GRID2: variants seen among roughly 807,000 people sequenced by gnomAD.
GRID2 encodes glutamate receptor ionotropic, delta-2.
In GRID2, 33 loss-of-function variants were observed where a neutral mutation model predicts 114.8. The observed-to-expected ratio is 0.29, with a 90% confidence interval of 0.22 to 0.38. The LOEUF (loss-of-function observed/expected upper bound fraction) is 0.38, where lower values mean the gene tolerates loss of function less well. Among genes scored for constraint, GRID2 ranks in the 10% least tolerant of loss-of-function variants. The pLI is 1.00. For synonymous variants in GRID2, 505 were observed against 449.9 expected (o/e 1.12, Z -1.55); for missense variants, 1,184 against 1,257.7 (o/e 0.94, Z 0.89).
intron 4 of GRID2, among the ~76,000 whole-genome samples, chr4:93,143,119 G>A (rs558110954): frequency 6.6e-6 from 1 of 152,294 alleles, no homozygotes; most frequent in East Asian, 1.9e-4. Context: ...GCCTTTTGCT[G>A]TAGAAGTTTA....
chr4:92,821,714 T>G (rs765059049), intron 2 of GRID2, among the ~76,000 whole-genome samples: 1 of 152,162 alleles, frequency 6.6e-6, no homozygotes, highest in Non-Finnish European at 1.5e-5. Flanking sequence ...ATAAAAGCTA[T>G]TTTAAGTAAT....
intron 2 of GRID2, among the ~76,000 whole-genome samples, chr4:92,862,649 A>G (rs1300501941): frequency 1.3e-5 from 2 of 152,114 alleles, no homozygotes; most frequent in Non-Finnish European, 1.5e-5. Flanking sequence ...ACTTTGTCAA[A>G]TGGAAAGTAA....
intron 8 of GRID2, among the ~76,000 whole-genome samples, chr4:93,242,274 C>G (rs1029790920): frequency 1.5e-4 from 23 of 151,848 alleles, no homozygotes; most frequent in Non-Finnish European, 2.8e-4. Flanking sequence ...GCTGCTGTGG[C>G]AAACAAGAGA....
intron 1 of GRID2, among the ~76,000 whole-genome samples, chr4:92,321,676 T>C (rs1406895475): frequency 6.6e-6 from 1 of 152,156 alleles, no homozygotes; most frequent in African/African-American, 2.4e-5. Context: ...CCAGGCAGTC[T>C]AATGAATATC....
chr4:92,701,000 A>AC (rs55764619), intron 2 of GRID2, among the ~76,000 whole-genome samples: 9,714 of 151,576 alleles, frequency 0.064, 418 homozygotes, highest in East Asian at 0.087. Flanking sequence ...TCTCAAAAAA[A>AC]AAAAAAAAAA....
At chr4:93,044,788 G>A (rs531175733) in intron 2 of GRID2, among the ~76,000 whole-genome samples, 1 of 152,254 alleles carries the variant, frequency 6.6e-6, no homozygotes, top group African/African-American at 2.4e-5. Flanking sequence ...GCAACCTTGT[G>A]TATGCTTCAG....
chr4:92,582,904 G>A (rs891775840), intron 1 of GRID2, among the ~76,000 whole-genome samples: 133 of 152,024 alleles, frequency 8.7e-4, no homozygotes, highest in Middle Eastern at 6.8e-3. Flanking sequence ...GGAGGATCAG[G>A]TGAGTCGGGG....
intron 3 of GRID2, among the ~76,000 whole-genome samples, chr4:93,088,120 GA>G (rs1730482411): frequency 6.6e-6 from 1 of 152,158 alleles, no homozygotes; most frequent in South Asian, 2.1e-4. Flanking sequence ...GTTAATTAGA[GA>G]AACCTCCTTT....
intron 3 of GRID2, among the ~76,000 whole-genome samples, chr4:93,105,927 T>C (rs1402042109): frequency 6.6e-6 from 1 of 152,192 alleles, no homozygotes; most frequent in Non-Finnish European, 1.5e-5. Flanking sequence ...TGTAATCTAG[T>C]ATATTCACAG....
chr4:93,512,057 G>A (rs961345070), intron 12 of GRID2, among the ~76,000 whole-genome samples: 1 of 151,982 alleles, frequency 6.6e-6, no homozygotes, highest in Non-Finnish European at 1.5e-5. Context: ...AAAGTGCTGG[G>A]ATTACAGGCA....
chr4:93,683,923 G>A (rs1725839461), intron 14 of GRID2, among the ~76,000 whole-genome samples: 1 of 151,966 alleles, frequency 6.6e-6, no homozygotes, highest in African/African-American at 2.4e-5. Flanking sequence ...ACTTTATTCA[G>A]GAACATTGCA....
intron 2 of GRID2, among the ~76,000 whole-genome samples, chr4:92,716,007 G>A (rs769740927): frequency 1.3e-5 from 2 of 152,144 alleles, no homozygotes; most frequent in Non-Finnish European, 2.9e-5. Flanking sequence ...TTAGACATCT[G>A]AGCAGAATCA....
intron 2 of GRID2, among the ~76,000 whole-genome samples, chr4:93,000,272 G>A (rs922883596): frequency 1.3e-5 from 2 of 151,520 alleles, no homozygotes; most frequent in Non-Finnish European, 3.0e-5. Context: ...GACACTATTA[G>A]CCAGGGTCTT....
intron 13 of GRID2, among the ~76,000 whole-genome samples, chr4:93,602,522 A>G (rs78732913): frequency 0.012 from 1,894 of 152,268 alleles, 69 homozygotes; most frequent in East Asian, 0.069. Flanking sequence ...TTGTTATTAT[A>G]TCTGCTGAAG....
At chr4:93,578,496 G>A (rs185854965) in intron 13 of GRID2, among the ~76,000 whole-genome samples, 89 of 151,034 alleles carry the variant, frequency 5.9e-4, no homozygotes, top group Non-Finnish European at 1.1e-3. Context: ...TACTTAGGAT[G>A]AGAAAAGCAA....
chr4:93,671,066 G>C (rs753040963), intron 14 of GRID2, among the ~76,000 whole-genome samples: 2 of 152,142 alleles, frequency 1.3e-5, no homozygotes, highest in Non-Finnish European at 2.9e-5. Context: ...GGGAATCAAA[G>C]TAGCTAAGCA....
chr4:93,142,447 C>G (rs187570416), intron 4 of GRID2, among the ~76,000 whole-genome samples: 2 of 152,138 alleles, frequency 1.3e-5, no homozygotes, highest in East Asian at 3.9e-4. Flanking sequence ...ATATGGCAGA[C>G]GGGGTGAACA....
At chr4:93,499,224 G>T (rs1002217717) in intron 12 of GRID2, among the ~76,000 whole-genome samples, 2 of 151,712 alleles carry the variant, frequency 1.3e-5, no homozygotes, top group African/African-American at 4.8e-5. Flanking sequence ...TATCATGACT[G>T]TCCCTGCCTG....
intron 2 of GRID2, among the ~76,000 whole-genome samples, chr4:92,937,540 G>T (rs1009179913): frequency 9.6e-5 from 14 of 146,196 alleles, no homozygotes; most frequent in African/African-American, 3.4e-4. Flanking sequence ...TGATCAGTAT[G>T]TTTATCCTTA....
Sources: allele counts gnomAD v4.1 joint callset (sites outside exome capture counted in the v4.1 genomes callset), GRCh38; gene constraint gnomAD v4.1.1; transcripts MANE v1.5; gene names NCBI Gene and HGNC (gene_info 2026-07-23, HGNC 2026-07-21).